ATG4C: variants seen among roughly 807,000 people sequenced by gnomAD.
ATG4C encodes the protein cysteine protease ATG4C.
A neutral mutation model predicts 57.6 loss-of-function variants in ATG4C; 56 were observed. The observed-to-expected ratio is 0.97, with a 90% CI of 0.78 to 1.21. The LOEUF is 1.21. ATG4C is among the 50% of genes most tolerant of loss of function. ATG4C has a pLI of 0.00. For missense variants in ATG4C, 595 were observed against 529.8 expected, an observed-to-expected ratio of 1.12 and a Z score of -1.21; for synonymous variants, 157 against 174.1, an observed-to-expected ratio of 0.90 and a Z score of 0.78.
At chr1:62,786,983 C>T (rs1286164342) in intron 1 of ATG4C, among the ~76,000 whole-genome samples, 3 of 151,684 alleles carry the variant, frequency 2.0e-5, no homozygotes, top group South Asian at 2.1e-4. Flanking sequence ...TGGAACTAGG[C>T]GATGGATTAG....
chr1:62,822,607 A>G (rs1471232190), intron 6 of ATG4C, among the ~76,000 whole-genome samples: 1 of 152,162 alleles, frequency 6.6e-6, no homozygotes, highest in Non-Finnish European at 1.5e-5. Context: ...TAAAATTTTT[A>G]TCATTCATGT....
chr1:62,818,584 A>G (rs1665361167), intron 4 of ATG4C, among the ~76,000 whole-genome samples: 1 of 152,120 alleles, frequency 6.6e-6, no homozygotes, highest in Non-Finnish European at 1.5e-5. Flanking sequence ...AACTACAGAA[A>G]AGTACAGAGA....
At chr1:62,808,066 G>T (rs545936984) in intron 3 of ATG4C, among the ~76,000 whole-genome samples, 1 of 152,342 alleles carries the variant, frequency 6.6e-6, no homozygotes, top group East Asian at 1.9e-4. Flanking sequence ...CAGTAGTGAA[G>T]TGTTGAACGT....
Position 62,834,923 on chromosome 1 carries a change from G to A in ATG4C, c.1089+71G>A. On this transcript the variant is annotated intron_variant, in intron 9 of 10. Transcript: ENST00000317868. ...AAACTAATTATTTAGAGATGTGCTAGGTAGCTATGCTTTTACGGTATTATA... is the reference window on the plus strand; with the variant it reads ...AAACTAATTATTTAGAGATGTGCTAAGTAGCTATGCTTTTACGGTATTATA... The A allele has an allele frequency of 3.9e-6, 5 of 1,283,636 alleles. No individual in the cohort carries two copies. The South Asian group carries it at 5.0e-5, about 13-fold the overall frequency. The allele number at this position is 1,283,636 out of a possible 1,614,324, so 79.5% of individuals were successfully genotyped here. A position where few individuals can be genotyped will look rare whatever the true frequency, so the allele number is the denominator to read the frequency against.
intron 3 of ATG4C, 122 bp downstream of exon 3, chr1:62,805,377 A>G (rs1664844865): frequency 4.0e-6 from 5 of 1,263,096 alleles, no homozygotes; most frequent in East Asian, 6.4e-5. Flanking sequence ...TGTATTTCTT[A>G]TAGCTCATAA....
At chr1:62,813,905 C>T (rs1243149665) in intron 3 of ATG4C, among the ~76,000 whole-genome samples, 10 of 152,126 alleles carry the variant, frequency 6.6e-5, no homozygotes, top group African/African-American at 2.4e-4. Flanking sequence ...TACCATCTCA[C>T]GCCAGTTAGA....
At chr1:62,859,450 A>G (rs1037336479) in intron 10 of ATG4C, among the ~76,000 whole-genome samples, 3 of 152,306 alleles carry the variant, frequency 2.0e-5, no homozygotes, top group Non-Finnish European at 2.9e-5. Flanking sequence ...TAAACATAGA[A>G]AAGATATTAT....
intron 10 of ATG4C, among the ~76,000 whole-genome samples, chr1:62,852,023 G>C (rs1572172023): frequency 6.6e-6 from 1 of 152,148 alleles, no homozygotes; most frequent in South Asian, 2.1e-4. Flanking sequence ...TCAAGCATTT[G>C]TGTGATTGTT....
At chr1:62,844,448 G>C (rs901144460) in intron 10 of ATG4C, among the ~76,000 whole-genome samples, 1 of 152,148 alleles carries the variant, frequency 6.6e-6, no homozygotes, top group African/African-American at 2.4e-5. Context: ...ATAAGTCTCT[G>C]AGTTTTGGGA....
chr1:62,790,549 C>T (rs1178329754), intron 1 of ATG4C, among the ~76,000 whole-genome samples: 1 of 152,056 alleles, frequency 6.6e-6, no homozygotes, highest in Non-Finnish European at 1.5e-5. Context: ...ATTATTTTTT[C>T]TGTGTGATTA....
rs1273933440 is a variant in ATG4C at position 62,865,335 on chromosome 1, ATTGTGTATCAT to A, written c.*1177_*1187del. 1 of 151,890 alleles carries A rather than the reference ATTGTGTATCAT, an allele frequency of 6.6e-6. No individual in the cohort carries two copies. The highest frequency in any genetic ancestry group is 1.5e-5 in the Non-Finnish European group (1 of 67,818). The allele number at this position is 151,890 out of a possible 1,614,324, so 9.4% of individuals were successfully genotyped here. A position where few individuals can be genotyped will look rare whatever the true frequency, so the allele number is the denominator to read the frequency against. On this transcript the variant is annotated 3_prime_UTR_variant, in exon 11 of 11. Transcript: ENST00000317868. ...GAAACGTGACTTATAAAGACATAAA[ATTGTGTATCAT>A]CTAAAGTCATTGATCTCTTCCATCA...
intron 6 of ATG4C, among the ~76,000 whole-genome samples, chr1:62,825,007 G>A (rs1017412392): frequency 1.3e-5 from 2 of 151,992 alleles, no homozygotes; most frequent in Admixed American, 1.3e-4. Flanking sequence ...GGAAACCAAG[G>A]CAGGGGGATC....
rs1664007812 is a variant in ATG4C, at chr1:62,784,266, C to G, written c.-76C>G. ...ACATTTTTACAGTTCTCCAGTCCTT[C>G]TCTTTCGGTGAGGGATCGGCTTGAG... is the stretch of plus-strand genomic sequence containing the variant. On this transcript the variant is annotated 5_prime_UTR_variant, in exon 1 of 11. Coordinates refer to ENST00000317868, the MANE Select transcript of ATG4C (RefSeq NM_032852.4). 1 of 152,504 alleles carries G rather than the reference C, an allele frequency of 6.6e-6. No individual in the cohort carries two copies. Among genetic ancestry groups the G allele is most frequent in the Admixed American group, 6.5e-5 (1 of 15,280 alleles). The allele number at this position is 152,504 out of a possible 1,614,324, so 9.4% of individuals were successfully genotyped here. A position where few individuals can be genotyped will look rare whatever the true frequency, so the allele number is the denominator to read the frequency against.
chr1:62,811,655 C>A (rs1398032541), intron 3 of ATG4C, among the ~76,000 whole-genome samples: 1 of 152,148 alleles, frequency 6.6e-6, no homozygotes, highest in Non-Finnish European at 1.5e-5. Flanking sequence ...GGCCTAAGAG[C>A]CATTAATTAA....
At chr1:62,811,383 G>A (rs2100305897) in intron 3 of ATG4C, among the ~76,000 whole-genome samples, 1 of 152,218 alleles carries the variant, frequency 6.6e-6, no homozygotes, top group Middle Eastern at 3.4e-3. Context: ...CTTGTATTAT[G>A]CAGTTTTTCC....
At chr1:62,821,519 A>G (rs747779205) in intron 6 of ATG4C, among the ~76,000 whole-genome samples, 1 of 152,122 alleles carries the variant, frequency 6.6e-6, no homozygotes, top group Non-Finnish European at 1.5e-5. Flanking sequence ...GAACCATTTC[A>G]TTGGTGGACG....
chr1:62,863,622 CAT>C (rs1038405435), intron 10 of ATG4C, among the ~76,000 whole-genome samples: 5 of 152,008 alleles, frequency 3.3e-5, no homozygotes, highest in Non-Finnish European at 7.4e-5. Flanking sequence ...AATATTTTAT[CAT>C]AGTCAGTGAT....
chr1:62,793,618 A>AAAAAAAAAAAAAAAAAAAAAAAAAC (rs1553221617), intron 1 of ATG4C, among the ~76,000 whole-genome samples: 3 of 104,052 alleles, frequency 2.9e-5, no homozygotes, highest in Non-Finnish European at 5.6e-5. Flanking sequence ...AAAAAAAAAA[A>AAAAAAAAAAAAAAAAAAAAAAAAAC]AACCAAAAAA....
chr1:62,789,549 C>A (rs548779619), intron 1 of ATG4C, among the ~76,000 whole-genome samples: 1 of 151,478 alleles, frequency 6.6e-6, no homozygotes, highest in East Asian at 1.9e-4. Flanking sequence ...CGTGGTGGCT[C>A]ATGCCTGTAA....
Sources: allele counts gnomAD v4.1 joint callset (sites outside exome capture counted in the v4.1 genomes callset), GRCh38; gene constraint gnomAD v4.1.1; transcripts MANE v1.5; gene names NCBI Gene and HGNC (gene_info 2026-07-23, HGNC 2026-07-21).